CNTNAP2: variants seen among roughly 807,000 people sequenced by gnomAD.
CNTNAP2 encodes the protein contactin-associated protein-like 2.
In CNTNAP2, 98 loss-of-function variants were observed where a neutral mutation model predicts 155.2. The ratio of observed to expected loss-of-function variants is 0.63; its 90% CI spans 0.54 to 0.75. The LOEUF (loss-of-function observed/expected upper bound fraction) is 0.75. Among genes scored for constraint, CNTNAP2 ranks in the 30% least tolerant of loss-of-function variants. The probability of loss-of-function intolerance (pLI) is 0.00; values close to 1 mark genes in which losing one functional copy is unlikely to be tolerated. For synonymous variants in CNTNAP2, 651 were observed against 631.2 expected, an observed-to-expected ratio of 1.03 and a Z score of -0.47; for missense variants, 1,727 against 1,688.1, an observed-to-expected ratio of 1.02 and a Z score of -0.40.
chr7:148,347,604 T>C (rs150882158), intron 21 of CNTNAP2, among the ~76,000 whole-genome samples: 17 of 152,328 alleles, frequency 1.1e-4, no homozygotes, highest in African/African-American at 4.1e-4. Context: ...AAAATTATAT[T>C]ATCTAGGGTA....
chr7:146,968,049 C>G (rs2129232357), intron 3 of CNTNAP2, among the ~76,000 whole-genome samples: 1 of 148,012 alleles, frequency 6.8e-6, no homozygotes, highest in South Asian at 2.2e-4. Flanking sequence ...AAGGCCTTTT[C>G]TGCATCTATT....
At chr7:148,232,344 TTTTTTC>T (rs536792637) in intron 20 of CNTNAP2, among the ~76,000 whole-genome samples, 39 of 152,312 alleles carry the variant, frequency 2.6e-4, no homozygotes, top group African/African-American at 9.1e-4. Context: ...AACACTGCAA[TTTTTTC>T]TTAAAACAAT....
intron 1 of CNTNAP2, among the ~76,000 whole-genome samples, chr7:146,494,854 G>A (rs550398035): frequency 6.6e-6 from 1 of 152,308 alleles, no homozygotes; most frequent in South Asian, 2.1e-4. Context: ...ATAATTCGAT[G>A]AGCTAGCTTA....
At chr7:146,842,651 G>A (rs1046009395) in intron 3 of CNTNAP2, among the ~76,000 whole-genome samples, 3 of 152,166 alleles carry the variant, frequency 2.0e-5, no homozygotes, top group South Asian at 2.1e-4. Flanking sequence ...CTTACATGCC[G>A]GGAGCAGGAG....
chr7:146,343,081 T>G (rs984002717), intron 1 of CNTNAP2, among the ~76,000 whole-genome samples: 6 of 145,472 alleles, frequency 4.1e-5, no homozygotes, highest in African/African-American at 5.2e-5. Context: ...AAGAAGGTTG[T>G]TTTTTTTTTG....
chr7:147,562,372 C>G, intron 12 of CNTNAP2, 115 bp downstream of exon 12: 3 of 1,280,046 alleles, frequency 2.3e-6, no homozygotes, highest in Non-Finnish European at 3.4e-6. Context: ...ATCTAATCAG[C>G]AACATATTGC....
intron 14 of CNTNAP2, among the ~76,000 whole-genome samples, chr7:147,942,132 C>A (rs912028685): frequency 6.6e-6 from 1 of 152,162 alleles, no homozygotes; most frequent in Non-Finnish European, 1.5e-5. Context: ...TTTGGCAGGG[C>A]TCACATCAGG....
At chr7:148,407,058 C>T (rs1192725432) in intron 22 of CNTNAP2, among the ~76,000 whole-genome samples, 1 of 152,106 alleles carries the variant, frequency 6.6e-6, no homozygotes, top group African/African-American at 2.4e-5. Flanking sequence ...ATATAGTAGG[C>T]ATTCTATAAA....
intron 14 of CNTNAP2, among the ~76,000 whole-genome samples, chr7:147,904,874 AATTT>A (rs761161846): frequency 2.0e-5 from 3 of 148,372 alleles, no homozygotes; most frequent in Non-Finnish European, 4.4e-5. Context: ...GATAATTTTT[AATTT>A]TATTTCTTTG....
intron 3 of CNTNAP2, among the ~76,000 whole-genome samples, chr7:147,023,535 C>T (rs903506943): frequency 2.0e-5 from 3 of 152,112 alleles, no homozygotes; most frequent in African/African-American, 7.2e-5. Context: ...CTTCCATCAC[C>T]ACAAGGACCT....
At chr7:146,371,864 C>T (rs144291061) in intron 1 of CNTNAP2, among the ~76,000 whole-genome samples, 4,950 of 150,828 alleles carry the variant, frequency 0.033, 281 homozygotes, top group African/African-American at 0.12. Flanking sequence ...GAGGCTGAGG[C>T]GGGAGAATTG....
chr7:148,364,953 A>G (rs1423851416), intron 21 of CNTNAP2, among the ~76,000 whole-genome samples: 14 of 152,198 alleles, frequency 9.2e-5, no homozygotes, highest in Non-Finnish European at 1.8e-4. Context: ...CTCAGCCAGC[A>G]AGACCACGAA....
At chr7:147,397,925 C>T (rs986290258) in intron 10 of CNTNAP2, among the ~76,000 whole-genome samples, 6 of 152,028 alleles carry the variant, frequency 3.9e-5, no homozygotes, top group Admixed American at 3.3e-4. Context: ...CACATCTCCA[C>T]GCATTTTCTA....
intron 10 of CNTNAP2, among the ~76,000 whole-genome samples, chr7:147,452,666 T>G (rs1354569084): frequency 6.6e-6 from 1 of 152,202 alleles, no homozygotes; most frequent in Non-Finnish European, 1.5e-5. Flanking sequence ...CTAAACATAA[T>G]TTATGCAAAG....
intron 13 of CNTNAP2, among the ~76,000 whole-genome samples, chr7:147,827,976 C>G (rs1798487555): frequency 6.6e-6 from 1 of 152,106 alleles, no homozygotes. Flanking sequence ...ATTTCTGATG[C>G]TAGCTACACT....
At chr7:147,715,613 G>T (rs1413041029) in intron 13 of CNTNAP2, among the ~76,000 whole-genome samples, 1 of 151,978 alleles carries the variant, frequency 6.6e-6, no homozygotes, top group Non-Finnish European at 1.5e-5. Context: ...TGAGATAGAT[G>T]ATTTGCAAAT....
At chr7:148,103,032 G>A (rs934639058) in intron 15 of CNTNAP2, among the ~76,000 whole-genome samples, 3 of 152,050 alleles carry the variant, frequency 2.0e-5, no homozygotes, top group African/African-American at 7.2e-5. Context: ...AATGGGGAGG[G>A]GGCTTCCAGG....
intron 2 of CNTNAP2, among the ~76,000 whole-genome samples, chr7:146,801,521 C>A (rs1802877586): frequency 1.3e-5 from 2 of 152,118 alleles, no homozygotes; most frequent in South Asian, 2.1e-4. Flanking sequence ...TAAAAAGTTT[C>A]TATTTCCAAG....
chr7:148,301,842 AG>A (rs1352450838), intron 21 of CNTNAP2, among the ~76,000 whole-genome samples: 5 of 152,324 alleles, frequency 3.3e-5, no homozygotes, highest in African/African-American at 1.2e-4. Context: ...AGCATTGAGG[AG>A]GACCCATGGG....
Sources: allele counts gnomAD v4.1 joint callset (sites outside exome capture counted in the v4.1 genomes callset), GRCh38; gene constraint gnomAD v4.1.1; transcripts MANE v1.5; gene names NCBI Gene and HGNC (gene_info 2026-07-23, HGNC 2026-07-21).